RAB38: variants seen among roughly 807,000 people sequenced by gnomAD.
RAB38 encodes ras-related protein Rab-38.
In RAB38, 15 loss-of-function variants were observed where a neutral mutation model predicts 18.4. That is an observed-to-expected ratio of 0.82 (90% CI 0.55 to 1.26). The LOEUF (loss-of-function observed/expected upper bound fraction) is 1.26, where lower values mean the gene tolerates loss of function less well. Ranked by LOEUF, RAB38 falls within the 50% of genes most tolerant of loss-of-function variation. The pLI is 0.00. For missense variants in RAB38, 294 were observed against 267.4 expected (o/e 1.10, Z -0.69); for synonymous variants, 101 against 104.4 (o/e 0.97, Z 0.20).
the RAB38 span, among the ~76,000 whole-genome samples, chr11:87,905,939 T>G: frequency 6.6e-6 from 1 of 151,958 alleles, no homozygotes; most frequent in Admixed American, 6.6e-5. Flanking sequence ...AAACTTTGAT[T>G]TCTGTCTCTT....
the RAB38 span, among the ~76,000 whole-genome samples, chr11:87,967,172 G>C: frequency 6.6e-6 from 1 of 152,114 alleles, no homozygotes; most frequent in African/African-American, 2.4e-5. Context: ...ACCTTTATTT[G>C]TCACCCTATT....
At chr11:88,016,104 T>G in the RAB38 span, among the ~76,000 whole-genome samples, 1 of 152,178 alleles carries the variant, frequency 6.6e-6, no homozygotes, top group Non-Finnish European at 1.5e-5. Context: ...GCCAGCTTCC[T>G]TTGCCTACTT....
At chr11:87,963,393 C>T in the RAB38 span, among the ~76,000 whole-genome samples, 10 of 152,092 alleles carry the variant, frequency 6.6e-5, no homozygotes, top group African/African-American at 2.4e-4. Context: ...AAAATGTGGG[C>T]ATTTCTGTTG....
At chr11:88,070,257 G>A in the RAB38 span, among the ~76,000 whole-genome samples, 3 of 152,124 alleles carry the variant, frequency 2.0e-5, no homozygotes, top group South Asian at 2.1e-4. Flanking sequence ...AACTCCAGAC[G>A]GGCCGCCTTA....
At chr11:88,109,353 C>T (rs577294072), downstream of RAB38, among the ~76,000 whole-genome samples, 1 of 152,260 alleles carries the variant, frequency 6.6e-6, no homozygotes, top group East Asian at 1.9e-4. Context: ...TTCCTTACAC[C>T]TTACACAAAA....
the RAB38 span, among the ~76,000 whole-genome samples, chr11:87,828,311 G>T: frequency 6.6e-6 from 1 of 151,864 alleles, no homozygotes; most frequent in Non-Finnish European, 1.5e-5. Context: ...AGAATGCCTT[G>T]TTCCTTCAAC....
chr11:88,114,157 A>G lies in RAB38; in HGVS notation c.484-17T>C. The G allele has an allele frequency of 6.2e-7, 1 of 1,613,416 alleles. No individual in the cohort carries two copies. On this transcript the variant is annotated splice_polypyrimidine_tract_variant and intron_variant, in intron 2 of 2. Coordinates refer to ENST00000243662, the MANE Select transcript of RAB38 (RefSeq NM_022337.3). Reference sequence around the variant, plus strand: ...TATATTTTCCTATGAGGGAAAAAATAAAACAGCTTTTCTTATTCAATACTC... The same window carrying G: ...TATATTTTCCTATGAGGGAAAAAATGAAACAGCTTTTCTTATTCAATACTC...
chr11:88,107,011 C>T, the RAB38 span, among the ~76,000 whole-genome samples: 26 of 152,104 alleles, frequency 1.7e-4, no homozygotes, highest in East Asian at 3.5e-3. Context: ...AATTCCCTCC[C>T]GTGGAATAAC....
chr11:87,913,655 C>T, the RAB38 span, among the ~76,000 whole-genome samples: 1 of 152,054 alleles, frequency 6.6e-6, no homozygotes, highest in Non-Finnish European at 1.5e-5. Flanking sequence ...GAGGGTGAAT[C>T]TCTTGTGAAT....
the RAB38 span, among the ~76,000 whole-genome samples, chr11:88,089,976 G>A: frequency 1.3e-5 from 2 of 151,876 alleles, no homozygotes; most frequent in Non-Finnish European, 2.9e-5. Flanking sequence ...TTAGGTTGTG[G>A]GTGGGACCCA....
chr11:87,820,399 T>C, the RAB38 span, among the ~76,000 whole-genome samples: 1 of 152,144 alleles, frequency 6.6e-6, no homozygotes, highest in Admixed American at 6.5e-5. Flanking sequence ...TTAATAACAA[T>C]AAAATGAGCT....
At chr11:87,833,956 A>G in the RAB38 span, among the ~76,000 whole-genome samples, 7 of 152,346 alleles carry the variant, frequency 4.6e-5, no homozygotes, top group East Asian at 1.3e-3. Context: ...AGTATAATTA[A>G]TTATCCAGGC....
At chr11:87,867,810 G>A in the RAB38 span, among the ~76,000 whole-genome samples, 5 of 151,660 alleles carry the variant, frequency 3.3e-5, no homozygotes, top group Non-Finnish European at 7.4e-5. Context: ...AAATTTTTAC[G>A]TTTATACCAC....
At chr11:87,976,837 ATATATTGT>A in the RAB38 span, among the ~76,000 whole-genome samples, 4 of 116,728 alleles carry the variant, frequency 3.4e-5, no homozygotes, top group Admixed American at 4.2e-4. Flanking sequence ...TAATATAAAT[ATATATTGT>A]GTTATATAAT....
the RAB38 span, among the ~76,000 whole-genome samples, chr11:87,841,804 G>T: frequency 6.6e-6 from 1 of 152,300 alleles, no homozygotes; most frequent in East Asian, 1.9e-4. Flanking sequence ...AAGACAAGAA[G>T]TATAAACCAG....
chr11:87,950,216 C>CT, the RAB38 span, among the ~76,000 whole-genome samples: 1 of 152,000 alleles, frequency 6.6e-6, no homozygotes, highest in African/African-American at 2.4e-5. Flanking sequence ...CAACCCCTGC[C>CT]TTTTTTTATT....
chr11:87,924,353 G>C, the RAB38 span, among the ~76,000 whole-genome samples: 25 of 151,996 alleles, frequency 1.6e-4, no homozygotes, highest in Non-Finnish European at 2.8e-4. Flanking sequence ...GTGATACAAA[G>C]ACAAACAAGA....
the RAB38 span, among the ~76,000 whole-genome samples, chr11:87,927,062 T>C: frequency 6.6e-6 from 1 of 152,050 alleles, no homozygotes; most frequent in Non-Finnish European, 1.5e-5. Context: ...CTATTCTTCA[T>C]ACTCATTTAT....
At chr11:87,977,482 T>C in the RAB38 span, among the ~76,000 whole-genome samples, 14 of 48,020 alleles carry the variant, frequency 2.9e-4, no homozygotes, top group Admixed American at 1.1e-3. Flanking sequence ...ACATATATAA[T>C]TATATATAAT....
Sources: gnomAD v4.1 joint callset for allele counts (sites outside exome capture counted in the v4.1 genomes callset) on GRCh38, gnomAD v4.1.1 for gene constraint, MANE v1.5 for transcripts, NCBI Gene and HGNC (gene_info 2026-07-23, HGNC 2026-07-21) for gene names.